Variants in ZRANB3 observed in about 807,000 individuals in gnomAD.
The protein encoded by ZRANB3 is zinc finger RANBP2-type containing 3.
Under a neutral mutation model 133.8 loss-of-function variants are expected in ZRANB3, and 125 were observed. That is an observed-to-expected ratio of 0.93 (90% CI 0.81 to 1.08). The LOEUF (loss-of-function observed/expected upper bound fraction) is 1.08. ZRANB3 is among the 50% of genes least tolerant of loss of function. ZRANB3 has a pLI of 0.00. For synonymous variants in ZRANB3, 387 were observed against 432.7 expected (o/e 0.89, Z 1.31); for missense variants, 1,229 against 1,275.5 (o/e 0.96, Z 0.56).
chr2:135,365,243 G>A (rs1012199126), intron 3 of ZRANB3, among the ~76,000 whole-genome samples: 2 of 152,014 alleles, frequency 1.3e-5, no homozygotes, highest in Non-Finnish European at 2.9e-5. Flanking sequence ...CTCCAGCCTG[G>A]GTGACAGACC....
At chr2:135,265,709 A>C in intron 11 of ZRANB3, 23 bp from the exon 12 acceptor site, 1 of 1,604,076 alleles carries the variant, frequency 6.2e-7, no homozygotes, top group Non-Finnish European at 8.5e-7. Flanking sequence ...AAAGTAAATG[A>C]ATTTTTGAGC....
At chr2:135,454,677 A>G (rs1187930941) in intron 2 of ZRANB3, among the ~76,000 whole-genome samples, 1 of 152,162 alleles carries the variant, frequency 6.6e-6, no homozygotes, top group Non-Finnish European at 1.5e-5. Context: ...CTTATAAGTG[A>G]GAACATTTGG....
chr2:135,356,768 C>T (rs1573968072), intron 3 of ZRANB3, among the ~76,000 whole-genome samples: 1 of 152,114 alleles, frequency 6.6e-6, no homozygotes, highest in Non-Finnish European at 1.5e-5. Context: ...AGGGCAGTGG[C>T]GTAATCGTGG....
At chr2:135,212,125 T>C (rs143050891) in intron 17 of ZRANB3, among the ~76,000 whole-genome samples, 4 of 152,364 alleles carry the variant, frequency 2.6e-5, no homozygotes, top group Non-Finnish European at 4.4e-5. Flanking sequence ...TCTTTTCACA[T>C]GTTTGCACTC....
At chr2:135,255,746 C>T (rs1679620179) in intron 12 of ZRANB3, among the ~76,000 whole-genome samples, 1 of 151,966 alleles carries the variant, frequency 6.6e-6, no homozygotes, top group Non-Finnish European at 1.5e-5. Flanking sequence ...ACTTGGGAGG[C>T]TGAGGCAGGG....
chr2:135,219,321 C>T (rs1694440938), intron 15 of ZRANB3, 143 bp from the exon 16 acceptor site: 1 of 575,452 alleles, frequency 1.7e-6, no homozygotes, highest in African/African-American at 2.0e-5. Flanking sequence ...GACAAGGGTC[C>T]ACCAAAATGG....
intron 10 of ZRANB3, chr2:135,271,243 A>T: frequency 2.1e-6 from 1 of 465,982 alleles, no homozygotes; most frequent in South Asian, 1.6e-5. Flanking sequence ...CTGTCTACAT[A>T]AGAGAATTAA....
chr2:135,462,123 T>C (rs1690789674), intron 2 of ZRANB3, among the ~76,000 whole-genome samples: 1 of 152,196 alleles, frequency 6.6e-6, no homozygotes, highest in African/African-American at 2.4e-5. Context: ...AAGTTTCAGA[T>C]ATACACATTC....
chr2:135,374,789 A>T (rs1433461347), intron 3 of ZRANB3, among the ~76,000 whole-genome samples: 2 of 152,182 alleles, frequency 1.3e-5, no homozygotes, highest in Non-Finnish European at 1.5e-5. Context: ...GGAGTGAGCC[A>T]CCGTGCCCGA....
rs182805489 is a variant in ZRANB3, at chr2:135,342,055, C to T, written c.677+3495G>A. 3.3e-3 allele frequency among the ~76,000 whole-genome samples: 493 copies of T among 150,024 alleles called. 57 individuals carry two copies. Among genetic ancestry groups the T allele is most frequent in the African/African-American group, 0.012 (461 of 39,362 alleles). On this transcript the variant is annotated intron_variant, in intron 6 of 20. Coordinates refer to ENST00000264159, the MANE Select transcript of ZRANB3 (RefSeq NM_032143.4). Reference sequence around the variant, plus strand: ...TGATCTCTGTGACCCACAGCCTATTCGTACACTCCCTACCTTTTGAAAATC... The same window carrying T: ...TGATCTCTGTGACCCACAGCCTATTTGTACACTCCCTACCTTTTGAAAATC...
At chr2:135,507,973 GAA>G (rs1439098487) in intron 1 of ZRANB3, among the ~76,000 whole-genome samples, 2 of 144,700 alleles carry the variant, frequency 1.4e-5, no homozygotes, top group Non-Finnish European at 3.0e-5. Context: ...GAAAGGGAAA[GAA>G]AAGAGAGAGA....
intron 2 of ZRANB3, among the ~76,000 whole-genome samples, chr2:135,442,290 T>C (rs1176577060): frequency 6.6e-6 from 1 of 152,126 alleles, no homozygotes; most frequent in Non-Finnish European, 1.5e-5. Context: ...TTTTGCAATC[T>C]ACCCATCTGA....
chr2:135,224,061 T>C (rs1002049014), intron 15 of ZRANB3, among the ~76,000 whole-genome samples: 1 of 152,240 alleles, frequency 6.6e-6, no homozygotes, highest in African/African-American at 2.4e-5. Flanking sequence ...TAGGTTTATA[T>C]ATTTATGGGA....
Position 135,244,287 on chromosome 2 carries a change from A to G in ZRANB3, c.1540-13360T>C, listed in dbSNP as rs111242170. On this transcript the variant is annotated intron_variant, in intron 12 of 20. Coordinates refer to ENST00000264159, the MANE Select transcript of ZRANB3 (RefSeq NM_032143.4). Reference sequence around the variant, plus strand: ...AACAGATCAAACCACCCTGGACAACATATCAAAACCCCATCTCTACTAAAA... The same window carrying G: ...AACAGATCAAACCACCCTGGACAACGTATCAAAACCCCATCTCTACTAAAA... 3.0e-3 allele frequency among the ~76,000 whole-genome samples: 453 copies of G among 152,212 alleles called. 3 individuals are homozygous for G. The highest frequency in any genetic ancestry group is 0.01 in the African/African-American group (420 of 41,526).
At chr2:135,247,056 T>G (rs540197388) in intron 12 of ZRANB3, among the ~76,000 whole-genome samples, 2 of 152,334 alleles carry the variant, frequency 1.3e-5, no homozygotes, top group African/African-American at 4.8e-5. Flanking sequence ...AGCACTGATG[T>G]CAAGTTTAAT....
chr2:135,493,169 A>G (rs1265384127), intron 2 of ZRANB3, among the ~76,000 whole-genome samples: 1 of 82,096 alleles, frequency 1.2e-5, no homozygotes, highest in South Asian at 4.5e-4. Context: ...ATATATATAT[A>G]TATAAATAGA....
At chr2:135,436,896 A>G (rs1256224363) in intron 2 of ZRANB3, among the ~76,000 whole-genome samples, 1 of 152,234 alleles carries the variant, frequency 6.6e-6, no homozygotes, top group Non-Finnish European at 1.5e-5. Flanking sequence ...TCATAGCAGT[A>G]CTATTCATAA....
intron 8 of ZRANB3, among the ~76,000 whole-genome samples, chr2:135,296,517 T>C (rs1312372203): frequency 6.6e-6 from 1 of 152,158 alleles, no homozygotes; most frequent in Non-Finnish European, 1.5e-5. Flanking sequence ...TCTTTGCCAT[T>C]GGCTCGAACT....
chr2:135,451,160 G>A (rs73956721), intron 2 of ZRANB3, among the ~76,000 whole-genome samples: 15,989 of 152,136 alleles, frequency 0.11, 1,106 homozygotes, highest in South Asian at 0.32. Context: ...GGATCAAACC[G>A]TTTCTAAGTA....
Sources: gnomAD v4.1 joint callset for allele counts (sites outside exome capture counted in the v4.1 genomes callset) on GRCh38, gnomAD v4.1.1 for gene constraint, MANE v1.5 for transcripts, NCBI Gene and HGNC (gene_info 2026-07-23, HGNC 2026-07-21) for gene names.